The following KIF20B variants were observed in gnomAD, a reference collection of about 807,000 sequenced individuals.
KIF20B encodes the protein kinesin-like protein KIF20B.
Under a neutral mutation model 232.5 loss-of-function variants are expected in KIF20B, and 188 were observed. That is an observed-to-expected ratio of 0.81 (90% CI 0.72 to 0.91). The LOEUF is 0.91. KIF20B is among the 40% of genes least tolerant of loss of function. The pLI is 0.00. For missense variants in KIF20B, 2,154 were observed against 2,055.9 expected (o/e 1.05, Z -0.92); for synonymous variants, 712 against 683.0 (o/e 1.04, Z -0.66).
Position 89,762,780 on chromosome 10 carries a change from C to T in KIF20B, c.4934C>T (p.Pro1645Leu), listed in dbSNP as rs1201618668. 1 of 1,613,148 alleles carries T rather than the reference C, an allele frequency of 6.2e-7. No homozygotes were observed. Among genetic ancestry groups the T allele is most frequent in the African/African-American group, 1.3e-5 (1 of 74,842 alleles). Residue 1645 changes from proline (P) to leucine (L), a missense_variant, in exon 29 of 33, where the codon CCA becomes CTA. By Grantham distance (98) the Pro-to-Leu change is moderately conservative (BLOSUM62 -3). Coordinates refer to ENST00000371728, the MANE Select transcript of KIF20B (RefSeq NM_001284259.2). ...MAVKHPGCTT[P>L]VTVKIPKARK... ...GTGAAACACCCTGGTTGTACCACACCAGTGACAGTTAAGATTCCCAAGGCT... is the reference window on the plus strand; with the variant it reads ...GTGAAACACCCTGGTTGTACCACACTAGTGACAGTTAAGATTCCCAAGGCT...
At chr10:89,721,011 A>T (rs551689548) in intron 13 of KIF20B, among the ~76,000 whole-genome samples, 1 of 151,956 alleles carries the variant, frequency 6.6e-6, no homozygotes, top group Admixed American at 6.6e-5. Context: ...CTGGCCACCT[A>T]TTCCCATCTT....
chr10:89,757,040 GTATATATATATATA>G (rs34325599), intron 26 of KIF20B, among the ~76,000 whole-genome samples: 5 of 110,748 alleles, frequency 4.5e-5, no homozygotes, highest in South Asian at 3.1e-4. Context: ...GTGTGTGTGT[GTATATATATATATA>G]TATATATATA....
chr10:89,765,138 A>G (rs1174128607), intron 29 of KIF20B, among the ~76,000 whole-genome samples: 1 of 151,970 alleles, frequency 6.6e-6, no homozygotes, highest in Non-Finnish European at 1.5e-5. Context: ...TCCCAGCACC[A>G]TTTATTAAAT....
intron 19 of KIF20B, among the ~76,000 whole-genome samples, chr10:89,733,326 C>G (rs1236595462): frequency 2.0e-5 from 3 of 151,306 alleles, no homozygotes; most frequent in Non-Finnish European, 4.4e-5. Context: ...ATAGTTAAAA[C>G]TCATTACTTT....
chr10:89,719,314 C>T, intron 12 of KIF20B, 105 bp from the exon 13 acceptor site: 6 of 785,086 alleles, frequency 7.6e-6, no homozygotes, highest in South Asian at 7.0e-5. Flanking sequence ...ATAGTTTTTC[C>T]TTAACACTTG....
intron 31 of KIF20B, among the ~76,000 whole-genome samples, chr10:89,769,262 C>T (rs1345485799): frequency 6.6e-6 from 1 of 151,916 alleles, no homozygotes; most frequent in African/African-American, 2.4e-5. Flanking sequence ...AGTACACTCT[C>T]TAGGGTGTCC....
At position 89,706,070 on chromosome 10, in the gene KIF20B, A is replaced by T. The variant is rs367750229; in HGVS notation, c.147+629A>T. ...ATACAAACTGTATAAGTTTAACTTT[A>T]TAAGTAACTACTAAACTGTTTTTCA... On this transcript the variant is annotated intron_variant, in intron 2 of 32. Coordinates refer to ENST00000371728, the MANE Select transcript of KIF20B (RefSeq NM_001284259.2). 3.3e-5 allele frequency among the ~76,000 whole-genome samples: 5 copies of T among 152,192 alleles called. 1 individual carries two copies. The South Asian group carries it at 1.0e-3, about 31-fold the overall frequency.
chr10:89,740,937 T>C (rs940239332), intron 21 of KIF20B, among the ~76,000 whole-genome samples: 24 of 152,234 alleles, frequency 1.6e-4, no homozygotes, highest in African/African-American at 5.5e-4. Flanking sequence ...ATTGGTTTTG[T>C]GGAAGACAAT....
intron 4 of KIF20B, 91 bp from the exon 5 acceptor site, chr10:89,709,836 T>C (rs991773364): frequency 1.7e-5 from 17 of 1,020,140 alleles, no homozygotes; most frequent in East Asian, 1.2e-4. Context: ...AATGAATCTT[T>C]TAAATTTTTA....
At chr10:89,709,662 C>T in intron 4 of KIF20B, among the ~76,000 whole-genome samples, 1 of 151,030 alleles carries the variant, frequency 6.6e-6, no homozygotes, top group Admixed American at 6.6e-5. Flanking sequence ...GTTATTATTA[C>T]TATATTTTTA....
At chr10:89,760,806 G>T (rs539213136) in intron 28 of KIF20B, among the ~76,000 whole-genome samples, 170 bp downstream of exon 28, 17 of 152,270 alleles carry the variant, frequency 1.1e-4, no homozygotes, top group Admixed American at 8.5e-4. Context: ...TCTTTTGGGA[G>T]ATTATATGCC....
chr10:89,710,212 G>T, intron 5 of KIF20B, 147 bp downstream of exon 5: 4 of 516,352 alleles, frequency 7.7e-6, no homozygotes, highest in South Asian at 8.3e-5. Context: ...ATTACGTATT[G>T]CTGTTTTTTT....
intron 31 of KIF20B, among the ~76,000 whole-genome samples, chr10:89,771,739 G>A (rs1310035117): frequency 6.6e-6 from 1 of 151,970 alleles, no homozygotes; most frequent in Non-Finnish European, 1.5e-5. Context: ...CAGCCCTGAG[G>A]TCTATAAAAC....
In KIF20B at chr10:89,738,625, A is replaced by G. The variant is rs1287065877; in HGVS notation, c.3776+8A>G. 20 of 1,537,760 alleles carry G rather than the reference A, an allele frequency of 1.3e-5. No homozygotes were observed. The highest frequency in any genetic ancestry group is 1.7e-5 in the Non-Finnish European group (20 of 1,150,060). Reference sequence around the variant, plus strand: ...CAGGCAAGAAACAGAAAAGTAAGCTAAATGTTATTCAAAATATTTTAAAAT... The same window carrying G: ...CAGGCAAGAAACAGAAAAGTAAGCTGAATGTTATTCAAAATATTTTAAAAT... On this transcript the variant is annotated splice_region_variant and intron_variant, in intron 20 of 32. Coordinates refer to ENST00000371728, the MANE Select transcript of KIF20B (RefSeq NM_001284259.2).
Position 89,772,726 on chromosome 10 carries a change from C to T in KIF20B, c.5280C>T (p.Leu1760=), listed in dbSNP as rs766141671. Residue 1760 remains leucine (L), a synonymous_variant, in exon 32 of 33, where the codon CTC becomes CTT. Coordinates refer to ENST00000371728, the MANE Select transcript of KIF20B (RefSeq NM_001284259.2). ...TTGAAACAATGAGCTCTTCAAAGCTCTCAAATGTAGAAGCAAGTAAAGAAA... is the reference window on the plus strand; with the variant it reads ...TTGAAACAATGAGCTCTTCAAAGCTTTCAAATGTAGAAGCAAGTAAAGAAA... ...KIIETMSSSK[L]SNVEASKENV... is the part of the protein sequence containing the mutation. 6.2e-7 allele frequency: 1 copy of T among 1,604,472 alleles called. No homozygotes were observed. Among genetic ancestry groups the T allele is most frequent in the Non-Finnish European group, 8.5e-7 (1 of 1,173,242 alleles).
At position 89,754,648 on chromosome 10, in the gene KIF20B, GT is replaced by G. The variant is rs755841488; in HGVS notation, c.4485del (p.Phe1495LeufsTer10). Reference sequence around the variant, plus strand: ...AAAAAATATGCTGAGGACAGGGAGCGTTTTTTTAAGCAACAGAATGAAATGG... The same window carrying G: ...AAAAAATATGCTGAGGACAGGGAGCGTTTTTTAAGCAACAGAATGAAATGG... ...EMKKYAEDRE[R>X]FFKQQNEMEI... On this transcript the variant is annotated frameshift_variant, in exon 26 of 33. Transcript: ENST00000371728. LOFTEE classifies it high-confidence loss of function. 2.3e-4 allele frequency: 361 copies of G among 1,581,452 alleles called. No individual in the cohort carries two copies. The highest frequency in any genetic ancestry group is 3.0e-4 in the Non-Finnish European group (346 of 1,166,460).
rs149304699 is a variant in KIF20B, at chr10:89,740,968, G to A, written c.3915+1872G>A. On this transcript the variant is annotated intron_variant, in intron 21 of 32. Transcript: ENST00000371728. ...ACAATTTTTCCATGGACCAGGGTAG[G>A]GGCTGGCTGCTTTAAGGATGATTCA... Among the ~76,000 whole-genome samples, 94 of 152,258 alleles carry A rather than the reference G, an allele frequency of 6.2e-4. No individual in the cohort carries two copies. In the East Asian group the frequency reaches 0.015, roughly 24 times the overall value.
At chr10:89,735,031 C>T (rs1031616001) in intron 19 of KIF20B, among the ~76,000 whole-genome samples, 3 of 152,134 alleles carry the variant, frequency 2.0e-5, no homozygotes, top group Non-Finnish European at 4.4e-5. Flanking sequence ...TTAATAAGGT[C>T]CCTGGATAAT....
intron 17 of KIF20B, 75 bp from the exon 18 acceptor site, chr10:89,729,053 G>T: frequency 1.7e-6 from 2 of 1,174,186 alleles, no homozygotes; most frequent in Non-Finnish European, 1.1e-6. Flanking sequence ...AAAACTGTTT[G>T]CATTATTAAT....
Sources: gnomAD v4.1 joint callset for allele counts (sites outside exome capture counted in the v4.1 genomes callset) on GRCh38, gnomAD v4.1.1 for gene constraint, MANE v1.5 for transcripts, NCBI Gene and HGNC (gene_info 2026-07-23, HGNC 2026-07-21) for gene names.